The following IFFO2 variants were observed in gnomAD, a reference collection of about 807,000 sequenced individuals.
The protein encoded by IFFO2 is intermediate filament family orphan 2.
Under a neutral mutation model 53.5 loss-of-function variants are expected in IFFO2, and 19 were observed. That is an observed-to-expected ratio of 0.36 (90% CI 0.25 to 0.52). The LOEUF (loss-of-function observed/expected upper bound fraction) is 0.52, where lower values mean the gene tolerates loss of function less well. Ranked by LOEUF, IFFO2 falls within the 20% of genes least tolerant of loss-of-function variation. The pLI is 0.94. For missense variants in IFFO2, 570 were observed against 727.4 expected (o/e 0.78, Z 2.49); for synonymous variants, 303 against 313.6 (o/e 0.97, Z 0.36).
chr1:18,941,334 G>T (rs1373871410), intron 1 of IFFO2, among the ~76,000 whole-genome samples: 8 of 152,210 alleles, frequency 5.3e-5, no homozygotes, highest in Admixed American at 5.2e-4. Flanking sequence ...CTTCCACCTC[G>T]TTTCCCACCT....
At chr1:18,955,633 C>T in intron 1 of IFFO2, 35 bp downstream of exon 1, 2 of 1,530,860 alleles carry the variant, frequency 1.3e-6, no homozygotes, top group Non-Finnish European at 8.7e-7. Context: ...CTGGGCGCCC[C>T]GTCCCAGGGC....
chr1:18,946,392 T>A (rs892945161), intron 1 of IFFO2, among the ~76,000 whole-genome samples: 1 of 150,830 alleles, frequency 6.6e-6, no homozygotes, highest in Non-Finnish European at 1.5e-5. Flanking sequence ...TGCGGTCAGA[T>A]CTGGGCTTGC....
At position 18,905,688 on chromosome 1, in the gene IFFO2, A is replaced by AGTGTGTGTGTGT. The variant is rs34644668; in HGVS notation, c.*2861_*2872dup. 1 of 146,598 alleles carries AGTGTGTGTGTGT rather than the reference A, an allele frequency of 6.8e-6. No homozygotes were observed. The highest frequency in any genetic ancestry group is 2.5e-5 in the African/African-American group (1 of 39,974). 9.1% of individuals were successfully genotyped at this position (146,598 alleles called of 1,614,324 possible). A position where few individuals can be genotyped will look rare whatever the true frequency, so the allele number is the denominator to read the frequency against. Reference sequence around the variant, plus strand: ...CTGTTCGGAGTCTCAGAGGAGTGCGAGTGTGTGTGTGTGTGTGTGTGTGTG... The same window carrying AGTGTGTGTGTGT: ...CTGTTCGGAGTCTCAGAGGAGTGCGAGTGTGTGTGTGTGTGTGTGTGTGTGTGTGTGTGTGTG... On this transcript the variant is annotated 3_prime_UTR_variant, in exon 9 of 9. Transcript: ENST00000455833.
chr1:18,917,265 C>T lies in IFFO2; in HGVS notation c.964-223G>A, dbSNP rs1048947989. 1.3e-5 allele frequency among the ~76,000 whole-genome samples: 2 copies of T among 152,220 alleles called. No homozygotes were observed. Among genetic ancestry groups the T allele is most frequent in the Admixed American group, 6.5e-5 (1 of 15,284 alleles). ...CAGACGGCCTGGACTCTTCCCTGCC[C>T]TGGGCGGCCTGGTGGGTGCGCCGGC... On this transcript the variant is annotated intron_variant, in intron 4 of 8. Transcript: ENST00000455833. This position sits in a 1 kb window ranked among gnomAD's most constrained non-coding sequence, Gnocchi z 5.9.
At chr1:18,952,164 A>G (rs954343563) in intron 1 of IFFO2, among the ~76,000 whole-genome samples, 30 of 152,206 alleles carry the variant, frequency 2.0e-4, no homozygotes, top group African/African-American at 7.2e-4. Context: ...AAGTCAGAAC[A>G]AGATATTTTA....
Position 18,904,330 on chromosome 1 carries a change from T to C in IFFO2, c.*4231A>G, listed in dbSNP as rs1211489455. 2 of 152,138 alleles carry C rather than the reference T, an allele frequency of 1.3e-5. No homozygotes were observed. The highest frequency in any genetic ancestry group is 2.9e-5 in the Non-Finnish European group (2 of 68,032). 9.4% of individuals were successfully genotyped at this position (152,138 alleles called of 1,614,324 possible). The stretch of plus-strand genomic sequence containing the variant: ...TTAAAAGAAGCCAATATACAGGATA[T>C]AAAGGGCATGATATTTACAACAGTA... On this transcript the variant is annotated 3_prime_UTR_variant, in exon 9 of 9. Transcript: ENST00000455833.
At chr1:18,910,288 G>A in intron 8 of IFFO2, 54 bp downstream of exon 8, 2 of 1,553,864 alleles carry the variant, frequency 1.3e-6, no homozygotes, top group Non-Finnish European at 1.7e-6. Flanking sequence ...GCAGCCTTGG[G>A]AATTCCCCTC....
At chr1:18,954,174 G>C (rs1438419448) in intron 1 of IFFO2, among the ~76,000 whole-genome samples, 1 of 152,202 alleles carries the variant, frequency 6.6e-6, no homozygotes, top group Non-Finnish European at 1.5e-5. Context: ...AGGAAGCTAG[G>C]CGCCACATGA....
At chr1:18,923,924 C>T (rs1569845278) in intron 1 of IFFO2, among the ~76,000 whole-genome samples, 1 of 152,218 alleles carries the variant, frequency 6.6e-6, no homozygotes, top group Non-Finnish European at 1.5e-5. Flanking sequence ...CCCAACCCCA[C>T]ATCTCAATCG....
Position 18,908,658 on chromosome 1 carries a change from G to T in IFFO2, c.1457C>A (p.Pro486Gln). Residue 486 changes from proline to glutamine, a missense_variant, in exon 9 of 9, where the codon CCG becomes CAG. Physicochemically the swap from Pro to Gln is moderately conservative, Grantham distance 76 (BLOSUM62 -1). Transcript: ENST00000455833. Reference protein sequence around the residue: ...LIKGSADRNSPSPSSVASSDS... With the variant: ...LIKGSADRNSQSPSSVASSDS... ...GCTGCTGGCCACGGAGCTGGGGGAC[G>T]GTGAATTCCTGAGAAGCACAAGAGA... is the stretch of plus-strand genomic sequence containing the variant. The T allele has an allele frequency of 6.4e-7, 1 of 1,551,006 alleles. No individual in the cohort carries two copies. The highest frequency in any genetic ancestry group is 8.7e-7 in the Non-Finnish European group (1 of 1,146,418).
Position 18,922,644 on chromosome 1 carries a change from TC to T in IFFO2, c.666-1524del, listed in dbSNP as rs565725186. On this transcript the variant is annotated intron_variant, in intron 1 of 8. Transcript: ENST00000455833. ...CTGTTAGGCTGAGATCTGCGTGGGC[TC>T]CCGGGCCCGGACCTGGAGGGCAAGG... 1.4e-4 allele frequency among the ~76,000 whole-genome samples: 21 copies of T among 151,936 alleles called. No individual in the cohort carries two copies. The South Asian group carries it at 4.2e-3, about 30-fold the overall frequency.
Position 18,928,463 on chromosome 1 carries a change from A to G in IFFO2, c.666-7342T>C, listed in dbSNP as rs1936332243. 6.6e-6 allele frequency among the ~76,000 whole-genome samples: 1 copy of G among 152,240 alleles called. No homozygotes were observed. Among genetic ancestry groups the G allele is most frequent in the African/African-American group, 2.4e-5 (1 of 41,464 alleles). The stretch of plus-strand genomic sequence containing the variant: ...TAATGGCCTGAGCAGGACGGAGCAC[A>G]GGCTGTACACTGAGGATGGGGGCCA... On this transcript the variant is annotated intron_variant, in intron 1 of 8. Coordinates refer to ENST00000455833, the MANE Select transcript of IFFO2 (RefSeq NM_001136265.2). This position sits in a 1 kb window ranked among gnomAD's most constrained non-coding sequence, Gnocchi z 4.9.
chr1:18,921,161 TC>T (rs1230876730), intron 1 of IFFO2, 40 bp from the exon 2 acceptor site: 3 of 1,530,282 alleles, frequency 2.0e-6, no homozygotes, highest in Non-Finnish European at 2.7e-6. Context: ...GAAGGTGAGT[TC>T]CCTGTGCCAG....
At chr1:18,927,432 C>A (rs1020705650) in intron 1 of IFFO2, among the ~76,000 whole-genome samples, 1 of 152,218 alleles carries the variant, frequency 6.6e-6, no homozygotes, top group Admixed American at 6.5e-5. Context: ...GCTTCCTTCC[C>A]GGCGGGTGGA....
intron 1 of IFFO2, among the ~76,000 whole-genome samples, chr1:18,948,193 CA>C (rs1936614078): frequency 6.6e-6 from 1 of 152,250 alleles, no homozygotes; most frequent in African/African-American, 2.4e-5. Context: ...AATCCTTTTG[CA>C]AAATGTTTTC....
At chr1:18,934,247 A>T (rs868550177) in intron 1 of IFFO2, among the ~76,000 whole-genome samples, 4 of 151,214 alleles carry the variant, frequency 2.6e-5, no homozygotes, top group South Asian at 2.1e-4. Context: ...TTTAAAAATT[A>T]TTTTTTGTAG....
In IFFO2 at chr1:18,928,105, G is replaced by A. The variant is rs906929796; in HGVS notation, c.666-6984C>T. ...CCTGACTTTCTCTCCCACATGGCAC[G>A]CTGCAAGCCCGTCTTCTCCCCCGAA... is the stretch of plus-strand genomic sequence containing the variant. On this transcript the variant is annotated intron_variant, in intron 1 of 8. Coordinates refer to ENST00000455833, the MANE Select transcript of IFFO2 (RefSeq NM_001136265.2). The surrounding 1 kb of genome is among the most constrained non-coding windows in gnomAD (Gnocchi z 4.9). Among the ~76,000 whole-genome samples the A allele has an allele frequency of 3.9e-5, 6 of 152,122 alleles. No homozygotes were observed. Among genetic ancestry groups the A allele is most frequent in the Admixed American group, 6.5e-5 (1 of 15,270 alleles).
intron 5 of IFFO2, among the ~76,000 whole-genome samples, chr1:18,913,070 A>G (rs1348230176): frequency 6.6e-6 from 1 of 152,262 alleles, no homozygotes; most frequent in Non-Finnish European, 1.5e-5. Context: ...CCAGGCTGCC[A>G]TCCCAGGGCT....
intron 5 of IFFO2, among the ~76,000 whole-genome samples, chr1:18,912,334 A>T (rs1397243102): frequency 6.6e-6 from 1 of 152,060 alleles, no homozygotes; most frequent in Non-Finnish European, 1.5e-5. Flanking sequence ...TCAGGCTTTA[A>T]TTAATTGGGA....
Sources: allele counts gnomAD v4.1 joint callset (sites outside exome capture counted in the v4.1 genomes callset), GRCh38; gene constraint gnomAD v4.1.1; non-coding constraint Gnocchi (gnomAD v3.1); transcripts MANE v1.5; gene names NCBI Gene and HGNC (gene_info 2026-07-23, HGNC 2026-07-21).